The following YBX2 variants were observed in gnomAD, a reference collection of about 807,000 sequenced individuals.
YBX2 encodes the protein Y-box-binding protein 2.
In YBX2, 5 loss-of-function variants were observed where a neutral mutation model predicts 44.4. The observed-to-expected ratio is 0.11, with a 90% confidence interval of 0.06 to 0.24. The LOEUF is 0.24. YBX2 is among the 10% of genes least tolerant of loss of function. The pLI is 1.00. For missense variants in YBX2, 417 were observed against 526.9 expected, an observed-to-expected ratio of 0.79 and a Z score of 2.04; for synonymous variants, 188 against 216.1, an observed-to-expected ratio of 0.87 and a Z score of 1.14.
chr17:7,289,302 G>GGA (rs1276616388), intron 7 of YBX2, among the ~76,000 whole-genome samples: 1 of 150,872 alleles, frequency 6.6e-6, no homozygotes, highest in African/African-American at 2.4e-5. Flanking sequence ...GGTTGGGGGG[G>GGA]GCATGGCCAT....
intron 7 of YBX2, among the ~76,000 whole-genome samples, chr17:7,289,236 C>A (rs1047012386): frequency 6.6e-6 from 1 of 151,986 alleles, no homozygotes; most frequent in African/African-American, 2.4e-5. Flanking sequence ...TCAATCACAC[C>A]CCTCAGTTCA....
chr17:7,288,635 G>A lies in YBX2; in HGVS notation c.*48C>T. ...AGGGTACAGGTCATTTGGAAAAACT[G>A]GCAGATACCTGAGAGAGAAAAGGAA... On this transcript the variant is annotated 3_prime_UTR_variant, in exon 9 of 9. Transcript: ENST00000007699. 1 of 857,378 alleles carries A rather than the reference G, an allele frequency of 1.2e-6. No homozygotes were observed. Among genetic ancestry groups the A allele is most frequent in the Non-Finnish European group, 1.9e-6 (1 of 536,890 alleles). 53.1% of individuals were successfully genotyped at this position (857,378 alleles called of 1,614,324 possible).
chr17:7,289,492 C>G (rs565763903), intron 7 of YBX2, 38 bp downstream of exon 7: 1 of 1,565,042 alleles, frequency 6.4e-7, no homozygotes, highest in East Asian at 2.4e-5. Context: ...GGGAGCTGGT[C>G]TCAGCCTTTT....
chr17:7,291,365 G>T lies in YBX2; in HGVS notation c.370-183C>A. Reference sequence around the variant, plus strand: ...AAGTCCTGAACTCAGGGCCTCAGCAGATTGTGCAGTTACCACCATCCCCAG... The same window carrying T: ...AAGTCCTGAACTCAGGGCCTCAGCATATTGTGCAGTTACCACCATCCCCAG... On this transcript the variant is annotated intron_variant, in intron 3 of 8. Transcript: ENST00000007699. The surrounding 1 kb of genome is among the most constrained non-coding windows in gnomAD (Gnocchi z 5.8). 1.5e-6 allele frequency: 1 copy of T among 655,452 alleles called. No homozygotes were observed. Among genetic ancestry groups the T allele is most frequent in the Non-Finnish European group, 2.8e-6 (1 of 363,608 alleles). The allele number at this position is 655,452 out of a possible 1,614,324, so 40.6% of individuals were successfully genotyped here. A position where few individuals can be genotyped will look rare whatever the true frequency, so the allele number is the denominator to read the frequency against.
At chr17:7,289,902 C>T in intron 6 of YBX2, 66 bp downstream of exon 6, 1 of 1,604,148 alleles carries the variant, frequency 6.2e-7, no homozygotes, top group South Asian at 1.1e-5. Flanking sequence ...CTTCCATCCT[C>T]CTGTCCCTTG....
Position 7,292,074 on chromosome 17 carries a change from G to A in YBX2, c.336-15C>T. ...TGGTGTCATTCCTGCAGAACAGGAT[G>A]GGTCGTTAAGGAAGGGACTTCAACA... is the stretch of plus-strand genomic sequence containing the variant. On this transcript the variant is annotated splice_polypyrimidine_tract_variant and intron_variant, in intron 2 of 8. Coordinates refer to ENST00000007699, the MANE Select transcript of YBX2 (RefSeq NM_015982.4). 4 of 1,614,046 alleles carry A rather than the reference G, an allele frequency of 2.5e-6. No homozygotes were observed. Among genetic ancestry groups the A allele is most frequent in the Non-Finnish European group, 3.4e-6 (4 of 1,179,960 alleles).
rs769733536 is a variant in YBX2 at position 7,294,355 on chromosome 17, G to C, written c.146C>G (p.Ala49Gly). 2 of 1,374,854 alleles carry C rather than the reference G, an allele frequency of 1.5e-6. No homozygotes were observed. Among genetic ancestry groups the C allele is most frequent in the Non-Finnish European group, 1.9e-6 (2 of 1,063,810 alleles). 85.2% of individuals were successfully genotyped at this position (1,374,854 alleles called of 1,614,324 possible). A position where few individuals can be genotyped will look rare whatever the true frequency, so the allele number is the denominator to read the frequency against. Reference protein sequence around the residue: ...KGGGAGGGGGAASGPAAGTPS... With the variant: ...KGGGAGGGGGGASGPAAGTPS... ...GGTCCCAGCAGCGGGGCCCGAGGCG[G>C]CTCCGCCCCCGCCGCCCGCCCCGCC... The change falls in exon 1 of 9, where the codon GCC becomes GGC. Residue 49 changes from alanine (A) to glycine (G), a missense_variant. By Grantham distance (60) the Ala-to-Gly change is moderately conservative. Coordinates refer to ENST00000007699, the MANE Select transcript of YBX2 (RefSeq NM_015982.4). This position sits in a 1 kb window ranked among gnomAD's most constrained non-coding sequence, Gnocchi z 4.6.
At chr17:7,289,158 G>A (rs1250433199) in intron 7 of YBX2, among the ~76,000 whole-genome samples, 1 of 152,088 alleles carries the variant, frequency 6.6e-6, no homozygotes, top group Non-Finnish European at 1.5e-5. Context: ...CATCGCGCAG[G>A]GCTGAGACTT....
At chr17:7,289,133 A>T (rs2072477435) in intron 7 of YBX2, among the ~76,000 whole-genome samples, 1 of 152,134 alleles carries the variant, frequency 6.6e-6, no homozygotes. Flanking sequence ...AAGTGCTGGG[A>T]TTACAGGCAT....
chr17:7,290,459 T>A lies in YBX2; in HGVS notation c.536A>T (p.Lys179Met). Residue 179 changes from lysine (K) to methionine (M), a missense_variant, in exon 5 of 9, where the codon AAG becomes ATG. Physicochemically the swap from Lys to Met is moderately conservative, Grantham distance 95. Transcript: ENST00000007699. Reference sequence around the variant, plus strand: ...AGGCCGGGGGATGAATCGGCGGGACTTACGTCGGTTGGGGGCATAACGGCT... The same window carrying A: ...AGGCCGGGGGATGAATCGGCGGGACATACGTCGGTTGGGGGCATAACGGCT... ...KGSRYAPNRR[K>M]SRRFIPRPPS... 6.2e-7 allele frequency: 1 copy of A among 1,614,022 alleles called. No homozygotes were observed. The highest frequency in any genetic ancestry group is 8.5e-7 in the Non-Finnish European group (1 of 1,179,966).
At position 7,292,010 on chromosome 17, in the gene YBX2, C is replaced by G; in HGVS notation, c.369+16G>C. The stretch of plus-strand genomic sequence containing the variant: ...ACGGCCGGTTCTTCCCCTCAGAAAG[C>G]TAACCTAGCTCTTACCTGGTGAACA... On this transcript the variant is annotated intron_variant, in intron 3 of 8. Transcript: ENST00000007699. 1 of 1,614,156 alleles carries G rather than the reference C, an allele frequency of 6.2e-7. No individual in the cohort carries two copies.
At chr17:7,293,824 T>C in intron 1 of YBX2, 2 of 582,660 alleles carry the variant, frequency 3.4e-6, no homozygotes, top group South Asian at 4.1e-5. Flanking sequence ...AACTGGGTAC[T>C]CACCTGGTCT....
chr17:7,294,340 G>T lies in YBX2; in HGVS notation c.161C>A (p.Ala54Asp). 7.5e-7 allele frequency: 1 copy of T among 1,326,514 alleles called. No homozygotes were observed. Among genetic ancestry groups the T allele is most frequent in the Non-Finnish European group, 9.6e-7 (1 of 1,044,114 alleles). The allele number at this position is 1,326,514 out of a possible 1,614,324, so 82.2% of individuals were successfully genotyped here. A position where few individuals can be genotyped will look rare whatever the true frequency, so the allele number is the denominator to read the frequency against. ...GGGGGAASGP[A>D]AGTPSAPGSR... Reference sequence around the variant, plus strand: ...GCCCGGCGCCGAGGGGGTCCCAGCAGCGGGGCCCGAGGCGGCTCCGCCCCC... The same window carrying T: ...GCCCGGCGCCGAGGGGGTCCCAGCATCGGGGCCCGAGGCGGCTCCGCCCCC... The change falls in exon 1 of 9, where the codon GCT (alanine) becomes GAT (aspartate). Residue 54 changes from alanine to aspartate, a missense_variant. Physicochemically the swap from Ala to Asp is moderately radical, Grantham distance 126. Transcript: ENST00000007699. The surrounding 1 kb of genome is among the most constrained non-coding windows in gnomAD (Gnocchi z 4.6).
Position 7,294,176 on chromosome 17 carries a change from C to A in YBX2, c.271+54G>T. The A allele has an allele frequency of 8.0e-7, 1 of 1,247,398 alleles. No homozygotes were observed. 77.3% of individuals were successfully genotyped at this position (1,247,398 alleles called of 1,614,324 possible). A position where few individuals can be genotyped will look rare whatever the true frequency, so the allele number is the denominator to read the frequency against. ...GGATCCTGCCGGGCTCCACACTGCC[C>A]CTCCCCCAGCCCGCCGACCCCTCAG... On this transcript the variant is annotated intron_variant, in intron 1 of 8. Coordinates refer to ENST00000007699, the MANE Select transcript of YBX2 (RefSeq NM_015982.4). This position sits in a 1 kb window ranked among gnomAD's most constrained non-coding sequence, Gnocchi z 4.6.
At chr17:7,293,306 C>T in intron 2 of YBX2, 169 bp downstream of exon 2, 1 of 1,263,938 alleles carries the variant, frequency 7.9e-7, no homozygotes, top group Non-Finnish European at 1.1e-6. Context: ...GAGGCTTCCT[C>T]TTGTCACGAA....
Position 7,289,530 on chromosome 17 carries a change from C to A in YBX2, c.1044G>T (p.Glu348Asp). The A allele has an allele frequency of 1.2e-6, 2 of 1,600,124 alleles. No homozygotes were observed. The highest frequency in any genetic ancestry group is 1.7e-6 in the Non-Finnish European group (2 of 1,172,928). ...TTCATCCCACATCTGAGGTCCTCAC[C>A]TCAGGGGCTGCGGGCTGCCGGGGGC... ...APGPRQPAAP[E>D]TSAPVNSGDP... Residue 348 changes from glutamate to aspartate, a missense_variant and splice_region_variant, in exon 7 of 9, where the codon GAG (glutamate) becomes GAT (aspartate). By Grantham distance (45) the Glu-to-Asp change is conservative. Coordinates refer to ENST00000007699, the MANE Select transcript of YBX2 (RefSeq NM_015982.4).
In YBX2 at chr17:7,290,311, G is replaced by A. The variant is rs1046049871; in HGVS notation, c.684C>T (p.Phe228=). The A allele has an allele frequency of 6.2e-7, 1 of 1,613,886 alleles. No homozygotes were observed. The highest frequency in any genetic ancestry group is 1.1e-5 in the South Asian group (1 of 91,062). ...QRPRRWCPPP[F]FYRRRFVRGP... ...CTCGCACAAACCGCCGTCGGTAGAA[G>A]AAGGGTGGGGGGCACCATCGTCGGG... Residue 228 remains phenylalanine, a synonymous_variant, in exon 5 of 9, where the codon TTC becomes TTT. Coordinates refer to ENST00000007699, the MANE Select transcript of YBX2 (RefSeq NM_015982.4).
chr17:7,293,995 T>C (rs1357347737), intron 1 of YBX2: 3 of 499,224 alleles, frequency 6.0e-6, no homozygotes, highest in Non-Finnish European at 9.8e-6. Context: ...CCTGGGGCTT[T>C]ATTCTCCACC....
chr17:7,293,717 C>A, intron 1 of YBX2, 179 bp from the exon 2 acceptor site: 1 of 1,235,848 alleles, frequency 8.1e-7, no homozygotes, highest in Admixed American at 2.4e-5. Context: ...CCTAGTCCAC[C>A]AAATGAAATC....
Sources: gnomAD v4.1 joint callset for allele counts (sites outside exome capture counted in the v4.1 genomes callset) on GRCh38, gnomAD v4.1.1 for gene constraint, Gnocchi (gnomAD v3.1) non-coding constraint, MANE v1.5 for transcripts, NCBI Gene and HGNC (gene_info 2026-07-23, HGNC 2026-07-21) for gene names.